Variants in SCO1 observed in about 807,000 individuals in gnomAD.
The protein encoded by SCO1 is synthesis of cytochrome C oxidase 1.
A neutral mutation model predicts 34.0 loss-of-function variants in SCO1; 23 were observed. That is an observed-to-expected ratio of 0.68 (90% CI 0.49 to 0.96). SCO1 has a LOEUF of 0.96. Ranked by LOEUF, SCO1 falls within the 40% of genes least tolerant of loss-of-function variation. The probability of loss-of-function intolerance (pLI) is 0.00; values close to 1 mark genes in which losing one functional copy is unlikely to be tolerated. For missense variants in SCO1, 404 were observed against 381.6 expected (o/e 1.06, Z -0.49); for synonymous variants, 161 against 145.5 (o/e 1.11, Z -0.77).
rs2074553747 is a variant in SCO1 at position 10,672,604 on chromosome 17, A to C, written c.*8515T>G. 6.6e-6 allele frequency: 1 copy of C among 152,160 alleles called. No individual in the cohort carries two copies. Among genetic ancestry groups the C allele is most frequent in the African/African-American group, 2.4e-5 (1 of 41,442 alleles). 9.4% of individuals were successfully genotyped at this position (152,160 alleles called of 1,614,324 possible). The stretch of plus-strand genomic sequence containing the variant: ...TACCAAGACACAGATCATTTTTACC[A>C]CTTCCCCAAATCCCCTCCTGCCCCT... On this transcript the variant is annotated 3_prime_UTR_variant, in exon 6 of 6. Transcript: ENST00000255390.
Position 10,697,356 on chromosome 17 carries a change from G to A in SCO1, c.152C>T (p.Ala51Val). The A allele has an allele frequency of 6.3e-7, 1 of 1,588,834 alleles. No homozygotes were observed. Among genetic ancestry groups the A allele is most frequent in the Non-Finnish European group, 8.6e-7 (1 of 1,167,604 alleles). Residue 51 changes from alanine (A) to valine (V), a missense_variant, in exon 1 of 6, where the codon GCG becomes GTG. Ala to Val is a moderately conservative substitution (Grantham distance 64). Coordinates refer to ENST00000255390, the MANE Select transcript of SCO1 (RefSeq NM_004589.4). ...GCCAGGGCGCCCCGAGGCACGCCAC[G>A]CCTCCGCTTGCCGCGCGCAGAACTG... ...LRQFCARQAE[A>V]WRASGRPGYC...
At chr17:10,686,614 T>C in intron 5 of SCO1, 113 bp downstream of exon 5, 3 of 785,704 alleles carry the variant, frequency 3.8e-6, no homozygotes, top group Admixed American at 1.8e-5. Context: ...CTAAGGACTT[T>C]GCAATAATCT....
rs113406513 is a variant in SCO1 at position 10,686,622 on chromosome 17, T to C, written c.771+105A>G. The C allele has an allele frequency of 6.1e-3, 4,895 of 800,960 alleles. 178 individuals carry two copies. In the African/African-American group the frequency reaches 0.071, roughly 12 times the overall value. The allele number at this position is 800,960 out of a possible 1,614,324, so 49.6% of individuals were successfully genotyped here. A position where few individuals can be genotyped will look rare whatever the true frequency, so the allele number is the denominator to read the frequency against. On this transcript the variant is annotated intron_variant, in intron 5 of 5. Transcript: ENST00000255390. ...AAAATTCCTAAGGACTTTGCAATAA[T>C]CTTAGGTATTCTCTCTTCTCAGAAG...
At position 10,674,334 on chromosome 17, in the gene SCO1, C is replaced by T. The variant is rs572149943; in HGVS notation, c.*6785G>A. ...CCAGCTACTTGGGAGGCTGAGGCAG[C>T]AGAATCACTTGAACCAGGGAGGTGG... On this transcript the variant is annotated 3_prime_UTR_variant, in exon 6 of 6. Transcript: ENST00000255390. 262 of 173,870 alleles carry T rather than the reference C, an allele frequency of 1.5e-3. 1 individual carries two copies. Among genetic ancestry groups the T allele is most frequent in the African/African-American group, 5.8e-3 (243 of 41,744 alleles). The allele number at this position is 173,870 out of a possible 1,614,324, so 10.8% of individuals were successfully genotyped here.
chr17:10,690,270 G>A (rs564429882), intron 4 of SCO1, among the ~76,000 whole-genome samples: 50 of 152,264 alleles, frequency 3.3e-4, no homozygotes, highest in African/African-American at 1.2e-3. Context: ...CCTGGAGAAT[G>A]GGAGAAAATA....
chr17:10,696,984 A>G (rs2074733909), intron 1 of SCO1, among the ~76,000 whole-genome samples: 1 of 151,572 alleles, frequency 6.6e-6, no homozygotes, highest in Non-Finnish European at 1.5e-5. Flanking sequence ...AAACGCTAAC[A>G]TAAAATCCAA....
At position 10,672,928 on chromosome 17, in the gene SCO1, AAG is replaced by A. The variant is rs2074555646; in HGVS notation, c.*8189_*8190del. ...CTGAGTAGATACATAAAACACTCAA[AAG>A]AGAGTTGAAGTTTAGGTGCACTAGT... is the stretch of plus-strand genomic sequence containing the variant. On this transcript the variant is annotated 3_prime_UTR_variant, in exon 6 of 6. Transcript: ENST00000255390. 1 of 152,166 alleles carries A rather than the reference AAG, an allele frequency of 6.6e-6. No homozygotes were observed. Among genetic ancestry groups the A allele is most frequent in the Non-Finnish European group, 1.5e-5 (1 of 68,038 alleles). The allele number at this position is 152,166 out of a possible 1,614,324, so 9.4% of individuals were successfully genotyped here.
At chr17:10,697,201 A>T in intron 1 of SCO1, 34 bp downstream of exon 1, 1 of 1,485,810 alleles carries the variant, frequency 6.7e-7, no homozygotes, top group Non-Finnish European at 8.9e-7. Flanking sequence ...GACAGCCGCG[A>T]CGAGCACCAG....
chr17:10,694,691 T>C (rs1479821930), intron 2 of SCO1, among the ~76,000 whole-genome samples: 4 of 152,198 alleles, frequency 2.6e-5, no homozygotes, highest in Non-Finnish European at 5.9e-5. Context: ...AACGTTAGAA[T>C]TGCACTTGAA....
At chr17:10,693,611 G>A (rs988003397) in intron 2 of SCO1, among the ~76,000 whole-genome samples, 2 of 152,086 alleles carry the variant, frequency 1.3e-5, no homozygotes, top group East Asian at 1.9e-4. Flanking sequence ...GAGGACCAGG[G>A]AGCAGACACA....
At chr17:10,694,789 G>A (rs2074711715) in intron 2 of SCO1, among the ~76,000 whole-genome samples, 1 of 152,120 alleles carries the variant, frequency 6.6e-6, no homozygotes, top group African/African-American at 2.4e-5. Context: ...TGAAACTAAA[G>A]AAACTTACTG....
At chr17:10,696,952 A>T (rs538959661) in intron 1 of SCO1, among the ~76,000 whole-genome samples, 143 of 146,362 alleles carry the variant, frequency 9.8e-4, no homozygotes, top group African/African-American at 3.5e-3. Flanking sequence ...CTGAAACTTA[A>T]TTTTTTTTTT....
At chr17:10,692,288 T>A (rs1330718384) in intron 3 of SCO1, among the ~76,000 whole-genome samples, 1 of 152,186 alleles carries the variant, frequency 6.6e-6, no homozygotes, top group East Asian at 1.9e-4. Context: ...TCCACTCCAG[T>A]ATCTGTAGTT....
At chr17:10,692,296 GT>G (rs1272790155) in intron 3 of SCO1, among the ~76,000 whole-genome samples, 2 of 152,102 alleles carry the variant, frequency 1.3e-5, no homozygotes, top group Non-Finnish European at 2.9e-5. Flanking sequence ...AGTATCTGTA[GT>G]TTTTTTCACT....
At chr17:10,694,804 T>C (rs985259317) in intron 2 of SCO1, among the ~76,000 whole-genome samples, 3 of 152,202 alleles carry the variant, frequency 2.0e-5, no homozygotes, top group Non-Finnish European at 4.4e-5. Context: ...TTACTGCTTA[T>C]TAGACTATGA....
chr17:10,683,688 CT>C (rs1366386787), intron 5 of SCO1, among the ~76,000 whole-genome samples: 2 of 150,968 alleles, frequency 1.3e-5, no homozygotes, highest in African/African-American at 4.9e-5. Flanking sequence ...TATTTGTATT[CT>C]TTTTTCAAAA....
Position 10,691,875 on chromosome 17 carries a change from T to C in SCO1, c.652A>G (p.Lys218Glu). Reference protein sequence around the residue: ...DTKEAIANYVKEFSPKLVGLT... With the variant: ...DTKEAIANYVEEFSPKLVGLT... Reference sequence around the variant, plus strand: ...AAAGTATTATTTAAAAAAATACCTTTCACATAATTTGCGATGGCTTCTTTT... The same window carrying C: ...AAAGTATTATTTAAAAAAATACCTTCCACATAATTTGCGATGGCTTCTTTT... The change falls in exon 4 of 6, where the codon AAA (lysine) becomes GAA (glutamate). Residue 218 changes from lysine (K) to glutamate (E), a missense_variant. By Grantham distance (56) the Lys-to-Glu change is moderately conservative (BLOSUM62 1). Coordinates refer to ENST00000255390, the MANE Select transcript of SCO1 (RefSeq NM_004589.4). The C allele has an allele frequency of 6.3e-7, 1 of 1,597,542 alleles. No individual in the cohort carries two copies. The highest frequency in any genetic ancestry group is 1.1e-5 in the South Asian group (1 of 90,730).
chr17:10,696,208 G>A (rs1203635670), intron 1 of SCO1, among the ~76,000 whole-genome samples: 1 of 152,130 alleles, frequency 6.6e-6, no homozygotes, highest in Non-Finnish European at 1.5e-5. Flanking sequence ...ACTTTGGGAG[G>A]CGGAGGCGGG....
intron 1 of SCO1, among the ~76,000 whole-genome samples, chr17:10,696,858 CT>C (rs1471247250): frequency 6.6e-6 from 1 of 152,146 alleles, no homozygotes; most frequent in African/African-American, 2.4e-5. Flanking sequence ...ACATGGAACT[CT>C]GGATGGGGCT....
Sources: allele counts gnomAD v4.1 joint callset (sites outside exome capture counted in the v4.1 genomes callset), GRCh38; gene constraint gnomAD v4.1.1; transcripts MANE v1.5; gene names NCBI Gene and HGNC (gene_info 2026-07-23, HGNC 2026-07-21).